The following CTDSPL2 variants were observed in gnomAD, a reference collection of about 807,000 sequenced individuals.
The protein encoded by CTDSPL2 is CTD small phosphatase like 2, also known as CTD small phosphatase-like protein 2.
CTDSPL2 carries 5 observed loss-of-function variants against 60.0 expected under a neutral mutation model. That is an observed-to-expected ratio of 0.08 (90% CI 0.04 to 0.18). The LOEUF is 0.18. Ranked by LOEUF, CTDSPL2 falls within the 10% of genes least tolerant of loss-of-function variation. CTDSPL2 has a pLI of 1.00. For synonymous variants in CTDSPL2, 186 were observed against 189.3 expected, an observed-to-expected ratio of 0.98 and a Z score of 0.14; for missense variants, 370 against 548.8, an observed-to-expected ratio of 0.67 and a Z score of 3.26.
chr15:44,498,140 A>G (rs2081332192), intron 7 of CTDSPL2, among the ~76,000 whole-genome samples: 1 of 152,136 alleles, frequency 6.6e-6, no homozygotes, highest in African/African-American at 2.4e-5. Flanking sequence ...AAATCTGTTT[A>G]CTTTTTTTAA....
intron 5 of CTDSPL2, 111 bp downstream of exon 5, chr15:44,491,110 G>T (rs2081206924): frequency 2.6e-6 from 2 of 769,450 alleles, no homozygotes; most frequent in Admixed American, 6.3e-5. Context: ...TTTCTTCCTG[G>T]AAGTTAAGAA....
intron 2 of CTDSPL2, among the ~76,000 whole-genome samples, chr15:44,463,640 A>G (rs2140713881): frequency 6.6e-6 from 1 of 152,350 alleles, no homozygotes; most frequent in East Asian, 1.9e-4. Context: ...TGTTAGGAGT[A>G]AATAATGTGG....
At chr15:44,466,693 C>T (rs543245301) in intron 2 of CTDSPL2, among the ~76,000 whole-genome samples, 4 of 151,978 alleles carry the variant, frequency 2.6e-5, no homozygotes, top group African/African-American at 9.7e-5. Flanking sequence ...GCCTATAATC[C>T]CAGCACTTTG....
intron 1 of CTDSPL2, among the ~76,000 whole-genome samples, chr15:44,435,699 C>T (rs1037484659): frequency 2.0e-5 from 3 of 150,620 alleles, no homozygotes; most frequent in Admixed American, 6.6e-5. Context: ...CTCTGCCTCC[C>T]GGGTTCAAGC....
At chr15:44,508,474 G>A (rs776393956) in intron 8 of CTDSPL2, among the ~76,000 whole-genome samples, 3 of 152,016 alleles carry the variant, frequency 2.0e-5, no homozygotes, top group Non-Finnish European at 4.4e-5. Context: ...ATAAGAAATA[G>A]CACCTACCAG....
chr15:44,477,806 C>T (rs1395866221), intron 2 of CTDSPL2, among the ~76,000 whole-genome samples: 2 of 151,784 alleles, frequency 1.3e-5, no homozygotes, highest in Non-Finnish European at 2.9e-5. Flanking sequence ...CCATTGCACT[C>T]CATCCTGGGC....
At chr15:44,451,687 C>G (rs1297493233) in intron 1 of CTDSPL2, among the ~76,000 whole-genome samples, 5 of 152,056 alleles carry the variant, frequency 3.3e-5, no homozygotes, top group Non-Finnish European at 7.3e-5. Flanking sequence ...TGTAGCCACT[C>G]TGATTCTTGA....
chr15:44,492,840 T>C (rs954478474), intron 5 of CTDSPL2, among the ~76,000 whole-genome samples: 2 of 152,242 alleles, frequency 1.3e-5, no homozygotes, highest in African/African-American at 4.8e-5. Flanking sequence ...CATCATTTTA[T>C]GCTTATTACT....
chr15:44,487,785 GT>G (rs916852047), intron 4 of CTDSPL2, among the ~76,000 whole-genome samples: 1 of 152,086 alleles, frequency 6.6e-6, no homozygotes, highest in African/African-American at 2.4e-5. Context: ...GTTTTGTTTT[GT>G]TTTTTTCCCC....
At chr15:44,496,102 A>G (rs2140820969) in intron 5 of CTDSPL2, among the ~76,000 whole-genome samples, 1 of 152,290 alleles carries the variant, frequency 6.6e-6, no homozygotes, top group South Asian at 2.1e-4. Context: ...TTTTTGGTGT[A>G]TATTTTTCTA....
At position 44,490,933 on chromosome 15, in the gene CTDSPL2, C is replaced by G; in HGVS notation, c.625C>G (p.Pro209Ala). 2 of 1,614,040 alleles carry G rather than the reference C, an allele frequency of 1.2e-6. No individual in the cohort carries two copies. Among genetic ancestry groups the G allele is most frequent in the Non-Finnish European group, 1.7e-6 (2 of 1,179,976 alleles). ...AYSNQAVQVR[P>A]SLNNGLEEAE... ...CTCAAATCAAGCAGTTCAAGTGAGA[C>G]CATCACTAAACAATGGTTTAGAAGA... The change falls in exon 5 of 13, where the codon CCA becomes GCA. Residue 209 changes from proline (P) to alanine (A), a missense_variant. This residue lies in a region of CTDSPL2 where 287 missense variants were observed against 296.1 expected (regional missense o/e 0.97). Transcript: ENST00000260327.
intron 5 of CTDSPL2, among the ~76,000 whole-genome samples, chr15:44,492,279 T>C (rs550826714): frequency 2.0e-5 from 3 of 152,246 alleles, no homozygotes; most frequent in Admixed American, 2.0e-4. Context: ...CAGACTGCCG[T>C]GAGCTATGAC....
intron 12 of CTDSPL2, among the ~76,000 whole-genome samples, chr15:44,523,793 G>T (rs1015649813): frequency 6.6e-6 from 1 of 152,182 alleles, no homozygotes; most frequent in Non-Finnish European, 1.5e-5. Context: ...CAGCTACTTT[G>T]GAGGCTGAGG....
intron 5 of CTDSPL2, among the ~76,000 whole-genome samples, chr15:44,493,967 G>A (rs879435325): frequency 2.6e-5 from 4 of 152,100 alleles, no homozygotes; most frequent in South Asian, 2.1e-4. Context: ...TACACACCAC[G>A]TTGACTCTGT....
At chr15:44,464,418 C>T (rs1441416636) in intron 2 of CTDSPL2, among the ~76,000 whole-genome samples, 2 of 152,226 alleles carry the variant, frequency 1.3e-5, no homozygotes, top group Non-Finnish European at 2.9e-5. Flanking sequence ...CTGTATACTA[C>T]TGCATCTCCA....
At chr15:44,456,693 T>C (rs1413814942) in intron 1 of CTDSPL2, among the ~76,000 whole-genome samples, 1 of 151,796 alleles carries the variant, frequency 6.6e-6, no homozygotes, top group African/African-American at 2.4e-5. Flanking sequence ...AAAAACCAGC[T>C]CCTGGATTCA....
intron 1 of CTDSPL2, among the ~76,000 whole-genome samples, chr15:44,429,621 A>C (rs2079816677): frequency 6.6e-6 from 1 of 152,194 alleles, no homozygotes; most frequent in South Asian, 2.1e-4. Context: ...TAATCCCAGC[A>C]CTTTGGGAGG....
chr15:44,435,279 A>T (rs1406553695), intron 1 of CTDSPL2, among the ~76,000 whole-genome samples: 1 of 149,286 alleles, frequency 6.7e-6, no homozygotes, highest in Non-Finnish European at 1.5e-5. Context: ...AAAAAAAAAG[A>T]ATCCTTCTAA....
chr15:44,472,649 C>T (rs1293290793), intron 2 of CTDSPL2, among the ~76,000 whole-genome samples: 3 of 151,922 alleles, frequency 2.0e-5, no homozygotes, highest in African/African-American at 7.3e-5. Context: ...AGGCATGTGC[C>T]ACTATGCCCA....
Sources: gnomAD v4.1 joint callset for allele counts (sites outside exome capture counted in the v4.1 genomes callset) on GRCh38, gnomAD v4.1.1 for gene constraint, gnomAD v4.1.1 regional missense constraint, MANE v1.5 for transcripts, NCBI Gene and HGNC (gene_info 2026-07-23, HGNC 2026-07-21) for gene names.